CATSPERE: variants seen among roughly 807,000 people sequenced by gnomAD.
The protein encoded by CATSPERE is cation channel sperm-associated auxiliary subunit epsilon.
CATSPERE carries 93 observed loss-of-function variants against 114.1 expected under a neutral mutation model. The ratio of observed to expected loss-of-function variants is 0.81; its 90% CI spans 0.69 to 0.97. The LOEUF is 0.97. CATSPERE is among the 50% of genes least tolerant of loss of function. CATSPERE has a pLI of 0.00. For synonymous variants in CATSPERE, 341 were observed against 384.1 expected (o/e 0.89, Z 1.31); for missense variants, 1,058 against 1,131.6 (o/e 0.93, Z 0.93).
At chr1:244,531,563 C>G (rs3005944) in intron 8 of CATSPERE, among the ~76,000 whole-genome samples, 3 of 151,702 alleles carry the variant, frequency 2.0e-5, no homozygotes, top group Non-Finnish European at 2.9e-5. Flanking sequence ...TTATCAAATG[C>G]TTTTCGGTAT....
At chr1:244,610,498 C>T in intron 19 of CATSPERE, 172 bp downstream of exon 19, 2 of 697,744 alleles carry the variant, frequency 2.9e-6, no homozygotes, top group East Asian at 2.7e-5. Context: ...ATCTTAATTT[C>T]TGTGTGATCT....
chr1:244,465,548 T>C (rs1667473579), intron 2 of CATSPERE, among the ~76,000 whole-genome samples: 1 of 152,234 alleles, frequency 6.6e-6, no homozygotes. Flanking sequence ...ACCTTTCTCA[T>C]GTCACCTTTG....
chr1:244,585,652 C>G (rs1050360231), intron 13 of CATSPERE, among the ~76,000 whole-genome samples: 3 of 152,198 alleles, frequency 2.0e-5, no homozygotes, highest in African/African-American at 7.2e-5. Context: ...TCTGTGTAGA[C>G]ACAGAACCAT....
chr1:244,562,815 A>G (rs182150887), intron 10 of CATSPERE, among the ~76,000 whole-genome samples: 3 of 152,208 alleles, frequency 2.0e-5, no homozygotes, highest in Admixed American at 2.0e-4. Context: ...TACACGTGCC[A>G]TGGTGGTTGA....
intron 21 of CATSPERE, among the ~76,000 whole-genome samples, chr1:244,637,054 T>C (rs1252631596): frequency 1.3e-5 from 2 of 151,880 alleles, no homozygotes; most frequent in East Asian, 1.9e-4. Context: ...AACCAGACTC[T>C]CCCCCGAGGA....
At chr1:244,588,191 C>G (rs1204904943) in intron 13 of CATSPERE, among the ~76,000 whole-genome samples, 1 of 18,450 alleles carries the variant, frequency 5.4e-5, no homozygotes, top group African/African-American at 2.4e-4. Flanking sequence ...AAGACTTCAT[C>G]TCAAAAAAAA....
chr1:244,530,305 T>A (rs746739592), intron 8 of CATSPERE, among the ~76,000 whole-genome samples: 46 of 152,300 alleles, frequency 3.0e-4, no homozygotes, highest in Middle Eastern at 3.4e-3. Context: ...GCTTACTACC[T>A]TTCTCAAAAA....
chr1:244,533,589 T>G (rs1679942874), intron 8 of CATSPERE, among the ~76,000 whole-genome samples: 1 of 152,158 alleles, frequency 6.6e-6, no homozygotes, highest in African/African-American at 2.4e-5. Context: ...TATTTTAAAC[T>G]GATGACAACA....
chr1:244,566,876 G>C (rs1255032043), intron 10 of CATSPERE, among the ~76,000 whole-genome samples: 1 of 151,618 alleles, frequency 6.6e-6, no homozygotes, highest in Non-Finnish European at 1.5e-5. Flanking sequence ...GTGTGAATTT[G>C]ATCTTTTCAT....
At chr1:244,460,117 G>A (rs192726466), upstream of CATSPERE, among the ~76,000 whole-genome samples, 68 of 152,332 alleles carry the variant, frequency 4.5e-4, no homozygotes, top group African/African-American at 1.6e-3. Context: ...CTGGGCATAA[G>A]CTGAACTAAC....
intron 8 of CATSPERE, among the ~76,000 whole-genome samples, chr1:244,542,280 A>G (rs1027012856): frequency 6.6e-6 from 1 of 152,110 alleles, no homozygotes; most frequent in Admixed American, 6.5e-5. Context: ...GCCTCACACA[A>G]CACCAACAGC....
intron 11 of CATSPERE, among the ~76,000 whole-genome samples, chr1:244,574,566 T>C (rs1273479736): frequency 1.3e-5 from 2 of 152,244 alleles, no homozygotes; most frequent in African/African-American, 2.4e-5. Flanking sequence ...TTGGCTTAGC[T>C]GTTTTGCTTG....
rs35307647 is a variant in CATSPERE at position 244,633,865 on chromosome 1, A to ATTT, written c.2649-1609_2649-1607dup. 1.5e-5 allele frequency among the ~76,000 whole-genome samples: 2 copies of ATTT among 133,656 alleles called. No individual in the cohort carries two copies. Among genetic ancestry groups the ATTT allele is most frequent in the Admixed American group, 7.6e-5 (1 of 13,214 alleles). The allele number at this position is 133,656 out of a possible 152,430, so 87.7% of individuals were successfully genotyped here. A position where few individuals can be genotyped will look rare whatever the true frequency, so the allele number is the denominator to read the frequency against. On this transcript the variant is annotated intron_variant, in intron 20 of 21. Coordinates refer to ENST00000366534, the MANE Select transcript of CATSPERE (RefSeq NM_001130957.2). The surrounding 1 kb of genome is among the most constrained non-coding windows in gnomAD (Gnocchi z 4.1). Reference sequence around the variant, plus strand: ...CCTGTGACAGGTGTCTACATCACTCATTTTTTTTTTTTTTTTTGAGACGGA... The same window carrying ATTT: ...CCTGTGACAGGTGTCTACATCACTCATTTTTTTTTTTTTTTTTTTTGAGACGGA...
At chr1:244,601,097 T>G (rs2148666510) in intron 17 of CATSPERE, among the ~76,000 whole-genome samples, 1 of 152,304 alleles carries the variant, frequency 6.6e-6, no homozygotes, top group South Asian at 2.1e-4. Flanking sequence ...TTTAAAAATT[T>G]TGAAATTCTA....
In CATSPERE at chr1:244,606,849, G is replaced by A. The variant is rs114139722; in HGVS notation, c.2403+1055G>A. On this transcript the variant is annotated intron_variant, in intron 18 of 21. Transcript: ENST00000366534. Reference sequence around the variant, plus strand: ...ACTCTTGACCTCAATTGATCCACCCGCCTCGGCCTCGCAAAGTACTGGGGT... The same window carrying A: ...ACTCTTGACCTCAATTGATCCACCCACCTCGGCCTCGCAAAGTACTGGGGT... Among the ~76,000 whole-genome samples the A allele has an allele frequency of 7.7e-3, 1,166 of 152,054 alleles. 17 individuals are homozygous for A. Among genetic ancestry groups the A allele is most frequent in the African/African-American group, 0.027 (1,112 of 41,492 alleles).
intron 7 of CATSPERE, among the ~76,000 whole-genome samples, chr1:244,500,776 C>T (rs1441347643): frequency 6.6e-6 from 1 of 152,206 alleles, no homozygotes; most frequent in Non-Finnish European, 1.5e-5. Flanking sequence ...AGTCAGGTAG[C>T]GTGATGCCTC....
At chr1:244,577,940 A>G (rs1303641326) in intron 11 of CATSPERE, among the ~76,000 whole-genome samples, 4 of 152,236 alleles carry the variant, frequency 2.6e-5, no homozygotes, top group African/African-American at 9.6e-5. Context: ...GCTACCTACT[A>G]TGGGGGAAGA....
chr1:244,591,579 C>T, intron 14 of CATSPERE, 102 bp from the exon 15 acceptor site: 1 of 651,892 alleles, frequency 1.5e-6, no homozygotes. Flanking sequence ...TGATGATTCT[C>T]TGACACTCTC....
intron 10 of CATSPERE, among the ~76,000 whole-genome samples, chr1:244,572,074 G>T (rs1664550691): frequency 6.6e-6 from 1 of 152,098 alleles, no homozygotes; most frequent in African/African-American, 2.4e-5. Context: ...CTGAATACAT[G>T]AATTCCAGCT....
Sources: allele counts gnomAD v4.1 joint callset (sites outside exome capture counted in the v4.1 genomes callset), GRCh38; gene constraint gnomAD v4.1.1; non-coding constraint Gnocchi (gnomAD v3.1); transcripts MANE v1.5; gene names NCBI Gene and HGNC (gene_info 2026-07-23, HGNC 2026-07-21).